Variants in NAA38 observed in about 807,000 individuals in gnomAD.
NAA38 encodes the protein N-alpha-acetyltransferase 38, NatC auxiliary subunit.
Under a neutral mutation model 12.6 loss-of-function variants are expected in NAA38, and 15 were observed. That is an observed-to-expected ratio of 1.19 (90% confidence interval 0.79 to 1.83). The LOEUF is 1.83. NAA38 is among the 40% of genes most tolerant of loss of function. NAA38 has a pLI of 0.00. For missense variants in NAA38, 183 were observed against 171.7 expected, an observed-to-expected ratio of 1.07 and a Z score of -0.37; for synonymous variants, 88 against 69.9, an observed-to-expected ratio of 1.26 and a Z score of -1.29.
intron 2 of NAA38, among the ~76,000 whole-genome samples, chr17:7,876,280 C>A (rs1289137932): frequency 2.0e-5 from 3 of 152,036 alleles, no homozygotes; most frequent in African/African-American, 4.8e-5. Context: ...AAGCTGTCTG[C>A]CTACTCTACC....
At chr17:7,875,111 C>T (rs770574730) in intron 2 of NAA38, among the ~76,000 whole-genome samples, 9 of 151,388 alleles carry the variant, frequency 5.9e-5, no homozygotes, top group Admixed American at 3.3e-4. Context: ...AGGAGGAAAG[C>T]TTGAGCCTAG....
chr17:7,859,484 A>G, upstream of NAA38: 2 of 1,614,174 alleles, frequency 1.2e-6, no homozygotes, highest in Non-Finnish European at 1.7e-6. Context: ...GAACCTGAAC[A>G]TGGATTTTAC....
chr17:7,877,112 C>A, intron 2 of NAA38: 1 of 355,034 alleles, frequency 2.8e-6, no homozygotes, highest in Non-Finnish European at 5.6e-6. Context: ...TACTTTTTAT[C>A]CCATTTGGCT....
At chr17:7,879,015 C>T (rs566347909) in intron 2 of NAA38, among the ~76,000 whole-genome samples, 1 of 150,938 alleles carries the variant, frequency 6.6e-6, no homozygotes, top group East Asian at 1.9e-4. Context: ...TATAAATATA[C>T]TGTATACTAT....
chr17:7,864,070 C>T (rs1597876997), intron 3 of NAA38: 2 of 152,196 alleles, frequency 1.3e-5, no homozygotes, highest in East Asian at 3.8e-4. Flanking sequence ...AAGGTTAATG[C>T]ATCCAGCACC....
chr17:7,878,371 CAAT>C (rs1967211073), intron 2 of NAA38, among the ~76,000 whole-genome samples: 1 of 143,734 alleles, frequency 7.0e-6, no homozygotes, highest in African/African-American at 2.5e-5. Context: ...TTTTAATGAT[CAAT>C]AAAATGTAAA....
chr17:7,885,025 CCCGCCGCCGCCGCCG>C (rs759738955), intron 1 of NAA38: 63 of 1,161,148 alleles, frequency 5.4e-5, no homozygotes, highest in Non-Finnish European at 6.7e-5. Flanking sequence ...GCCACCTCTT[CCCGCCGCCGCCGCCG>C]CCGCCGCCAC....
chr17:7,858,979 C>T, upstream of NAA38: 3 of 678,420 alleles, frequency 4.4e-6, no homozygotes, highest in East Asian at 8.5e-5. Context: ...CACCTAGGTC[C>T]CCAGGGTTGG....
intron 3 of NAA38, chr17:7,865,271 G>A (rs995674698): frequency 1.3e-5 from 2 of 152,182 alleles, no homozygotes; most frequent in African/African-American, 2.4e-5. Flanking sequence ...GAAGCAGAGA[G>A]AGATTAAGTA....
At chr17:7,858,252 G>T, upstream of NAA38, 2 of 1,614,026 alleles carry the variant, frequency 1.2e-6, no homozygotes, top group Non-Finnish European at 1.7e-6. Flanking sequence ...ATCTTACCTG[G>T]GACGCGTGTA....
chr17:7,885,083 G>C, intron 1 of NAA38: 1 of 970,632 alleles, frequency 1.0e-6, no homozygotes, highest in Non-Finnish European at 1.2e-6. Flanking sequence ...CCCGCCGCCA[G>C]GTAAGCGCCC....
chr17:7,858,035 C>G (rs374430546), upstream of NAA38: 1 of 1,549,722 alleles, frequency 6.5e-7, no homozygotes, highest in East Asian at 2.3e-5. Context: ...AAACGCTCTC[C>G]CCTCGGCTCC....
intron 2 of NAA38, among the ~76,000 whole-genome samples, chr17:7,867,707 A>G (rs1967013604): frequency 1.3e-5 from 2 of 152,250 alleles, no homozygotes; most frequent in African/African-American, 4.8e-5. Flanking sequence ...TACAATGTCA[A>G]GAGAGAAGGA....
chr17:7,877,873 T>C (rs957779453), intron 2 of NAA38, among the ~76,000 whole-genome samples: 6 of 152,166 alleles, frequency 3.9e-5, no homozygotes, highest in African/African-American at 1.4e-4. Flanking sequence ...ATGTAGTATA[T>C]AGTAGAAGAA....
upstream of NAA38, chr17:7,858,065 AG>A: frequency 6.3e-7 from 1 of 1,591,924 alleles, no homozygotes; most frequent in Non-Finnish European, 8.5e-7. Flanking sequence ...CGGAGGTCGT[AG>A]TAGTAGTGAG....
In NAA38 at chr17:7,857,155, C is replaced by A; in HGVS notation, c.125G>T (p.Arg42Leu). Residue 42 changes from arginine to leucine, a missense_variant, in exon 2 of 3, where the codon CGA (arginine) becomes CTA (leucine). Coordinates refer to ENST00000575771, the MANE Select transcript of NAA38 (RefSeq NM_001320925.4). ...GTTGAGCAGCGCCTCTAGCTGCTGT[C>A]GGGCGCGCTCAGCCGCCGAGTCCTC... is the stretch of plus-strand genomic sequence containing the variant. Reference protein sequence around the residue: ...EREDSAAERARQQLEALLNKT... With the variant: ...EREDSAAERALQQLEALLNKT... 6.2e-7 allele frequency: 1 copy of A among 1,612,960 alleles called. No individual in the cohort carries two copies. Among genetic ancestry groups the A allele is most frequent in the South Asian group, 1.1e-5 (1 of 91,080 alleles).
At chr17:7,867,156 T>G (rs1382513347) in intron 2 of NAA38, among the ~76,000 whole-genome samples, 2 of 151,956 alleles carry the variant, frequency 1.3e-5, no homozygotes, top group Non-Finnish European at 2.9e-5. Flanking sequence ...CAGAAGGAAC[T>G]GTAGCATGGT....
chr17:7,885,070 G>GCCC, intron 1 of NAA38: 1 of 980,490 alleles, frequency 1.0e-6, no homozygotes, highest in Non-Finnish European at 1.2e-6. Flanking sequence ...CGCCGCCGCC[G>GCCC]CCCCCGCCGC....
intron 2 of NAA38, among the ~76,000 whole-genome samples, chr17:7,877,777 T>C (rs1448575710): frequency 1.3e-5 from 2 of 152,250 alleles, no homozygotes; most frequent in Non-Finnish European, 2.9e-5. Flanking sequence ...ATAGTTGTTA[T>C]AGTTAATAAC....
Sources: gnomAD v4.1 joint callset for allele counts (sites outside exome capture counted in the v4.1 genomes callset) on GRCh38, gnomAD v4.1.1 for gene constraint, MANE v1.5 for transcripts, NCBI Gene and HGNC (gene_info 2026-07-23, HGNC 2026-07-21) for gene names.